DOCK2: variants seen among roughly 807,000 people sequenced by gnomAD.
DOCK2 encodes dedicator of cytokinesis protein 2.
DOCK2 carries 87 observed loss-of-function variants against 248.9 expected under a neutral mutation model. The ratio of observed to expected loss-of-function variants is 0.35; its 90% CI spans 0.29 to 0.42. DOCK2 has a LOEUF of 0.42. Among genes scored for constraint, DOCK2 ranks in the 10% least tolerant of loss-of-function variants. The pLI, the probability that DOCK2 is intolerant of heterozygous loss-of-function variation, is 1.00. For missense variants in DOCK2, 1,747 were observed against 2,300.2 expected (o/e 0.76, Z 4.92); for synonymous variants, 805 against 821.6 (o/e 0.98, Z 0.35).
chr5:169,700,314 A>G (rs1369503851), intron 13 of DOCK2, among the ~76,000 whole-genome samples, 175 bp downstream of exon 13: 2 of 152,246 alleles, frequency 1.3e-5, no homozygotes, highest in Non-Finnish European at 2.9e-5. Context: ...TCTATGCATT[A>G]ACAAAATAGA....
chr5:169,639,876 A>C (rs1307936456), intron 1 of DOCK2, among the ~76,000 whole-genome samples: 1 of 152,238 alleles, frequency 6.6e-6, no homozygotes, highest in Non-Finnish European at 1.5e-5. Flanking sequence ...TGCTGTAGCA[A>C]AATACCACCA....
At chr5:170,076,135 A>G in intron 47 of DOCK2, 51 bp downstream of exon 47, 1 of 1,590,912 alleles carries the variant, frequency 6.3e-7, no homozygotes, top group East Asian at 2.3e-5. Context: ...AGGGTGGGGC[A>G]GGGAAGCATG....
At chr5:169,972,959 G>A (rs556560654) in intron 27 of DOCK2, among the ~76,000 whole-genome samples, 3 of 152,260 alleles carry the variant, frequency 2.0e-5, no homozygotes, top group South Asian at 4.1e-4. Flanking sequence ...GCTGTGACTA[G>A]CAGATCTCTT....
chr5:169,996,240 GAC>G, intron 30 of DOCK2, 76 bp downstream of exon 30: 17 of 1,466,394 alleles, frequency 1.2e-5, no homozygotes, highest in Non-Finnish European at 1.6e-5. Flanking sequence ...TGCTCCATCA[GAC>G]ACATCCCAAA....
intron 26 of DOCK2, among the ~76,000 whole-genome samples, chr5:169,811,770 A>G (rs1404612304): frequency 1.3e-5 from 2 of 152,162 alleles, no homozygotes; most frequent in East Asian, 3.8e-4. Context: ...GCTGAGTCTC[A>G]GAGAGGCTAG....
chr5:169,903,792 C>G (rs1236806155), intron 27 of DOCK2, among the ~76,000 whole-genome samples: 1 of 152,046 alleles, frequency 6.6e-6, no homozygotes, highest in African/African-American at 2.4e-5. Context: ...GCAGTGGAAG[C>G]CTCCAGTGGG....
intron 14 of DOCK2, among the ~76,000 whole-genome samples, chr5:169,702,825 C>CA (rs1330667044): frequency 4.6e-5 from 7 of 152,060 alleles, no homozygotes; most frequent in African/African-American, 1.7e-4. Context: ...AGGATCAATA[C>CA]AGTGCCTTGG....
At chr5:169,726,124 G>A (rs990277253) in intron 22 of DOCK2, among the ~76,000 whole-genome samples, 1 of 152,060 alleles carries the variant, frequency 6.6e-6, no homozygotes, top group Non-Finnish European at 1.5e-5. Flanking sequence ...CTCCCACCAA[G>A]AGTGTAAAAG....
intron 25 of DOCK2, among the ~76,000 whole-genome samples, chr5:169,775,016 C>T (rs1298765471): frequency 6.6e-6 from 1 of 152,170 alleles, no homozygotes; most frequent in Admixed American, 6.5e-5. Flanking sequence ...TCAAGCGATT[C>T]TCTTGCCTCA....
rs1764593002 is a variant in DOCK2, at chr5:169,763,380, C to T, written c.2554+1755C>T. On this transcript the variant is annotated intron_variant, in intron 25 of 51. Transcript: ENST00000520908. The surrounding 1 kb of genome is among the most constrained non-coding windows in gnomAD (Gnocchi z 4.1). ...TCCTAGAGACATGACAAGGACGACT[C>T]TAGCTACGCATATGGTGTGGCACAG... Among the ~76,000 whole-genome samples the T allele has an allele frequency of 6.6e-6, 1 of 152,242 alleles. No individual in the cohort carries two copies. The highest frequency in any genetic ancestry group is 2.4e-5 in the African/African-American group (1 of 41,474).
At chr5:170,066,211 C>T (rs535913725) in intron 44 of DOCK2, among the ~76,000 whole-genome samples, 3 of 151,776 alleles carry the variant, frequency 2.0e-5, no homozygotes, top group African/African-American at 7.3e-5. Context: ...CGGCCTCCCG[C>T]AAATGAAAAC....
intron 8 of DOCK2, among the ~76,000 whole-genome samples, chr5:169,687,770 C>CGTTA (rs1359127561): frequency 1.3e-5 from 2 of 152,132 alleles, no homozygotes; most frequent in Non-Finnish European, 2.9e-5. Flanking sequence ...AAGGATCGTA[C>CGTTA]GTTAGAACCA....
intron 30 of DOCK2, among the ~76,000 whole-genome samples, chr5:170,008,235 AAAAC>A (rs1755141403): frequency 6.7e-6 from 1 of 149,580 alleles, no homozygotes; most frequent in Non-Finnish European, 1.5e-5. Flanking sequence ...CAAAAAAAAA[AAAAC>A]CTAAAATTCT....
intron 27 of DOCK2, among the ~76,000 whole-genome samples, chr5:169,912,469 G>A (rs1774651713): frequency 6.6e-6 from 1 of 152,310 alleles, no homozygotes; most frequent in Admixed American, 6.5e-5. Context: ...ACGTGTATGT[G>A]TGTGTGCACA....
At chr5:169,917,627 C>A (rs943911391) in intron 27 of DOCK2, among the ~76,000 whole-genome samples, 1 of 151,920 alleles carries the variant, frequency 6.6e-6, no homozygotes, top group Non-Finnish European at 1.5e-5. Flanking sequence ...TTGGTGATTG[C>A]GAAACACTAG....
Position 169,708,256 on chromosome 5 carries a change from G to T in DOCK2, c.1471G>T (p.Glu491Ter). ...TCAAGTCAAACAGCCACGCTGGATG[G>T]AAACAGTCAAGGTAATAATTAATAA... ...YYQVKQPRWM[E>*]TVKVAVPIED... Residue 491 changes from glutamate to a stop codon, truncating the protein, a stop_gained, in exon 15 of 52, where the codon GAA becomes TAA. Coordinates refer to ENST00000520908, the MANE Select transcript of DOCK2 (RefSeq NM_004946.3). LOFTEE classifies it high-confidence loss of function. The T allele has an allele frequency of 6.2e-7, 1 of 1,613,662 alleles. No homozygotes were observed. The highest frequency in any genetic ancestry group is 8.5e-7 in the Non-Finnish European group (1 of 1,179,856).
chr5:169,759,635 A>C, intron 23 of DOCK2, 70 bp from the exon 24 acceptor site: 1 of 1,550,746 alleles, frequency 6.4e-7, no homozygotes, highest in Non-Finnish European at 8.9e-7. Flanking sequence ...TCATGCTGCA[A>C]AGTACCCTCT....
At chr5:169,910,700 C>G (rs1774548151) in intron 27 of DOCK2, among the ~76,000 whole-genome samples, 1 of 152,214 alleles carries the variant, frequency 6.6e-6, no homozygotes, top group South Asian at 2.1e-4. Context: ...CTACAAGACT[C>G]AGGGAAACAG....
rs556557592 is a variant in DOCK2 at position 170,069,355 on chromosome 5, C to A, written c.4728+135C>A. The A allele has an allele frequency of 1.5e-4, 123 of 834,966 alleles. No homozygotes were observed. In the African/African-American group the frequency reaches 1.9e-3, roughly 13 times the overall value. The allele number at this position is 834,966 out of a possible 1,614,324, so 51.7% of individuals were successfully genotyped here. On this transcript the variant is annotated intron_variant, in intron 46 of 51. Coordinates refer to ENST00000520908, the MANE Select transcript of DOCK2 (RefSeq NM_004946.3). ...TCCTGTCCCTTGCTTTTCAGCCCCTCTTCCAACTCTGTATCACACCTGAGC... is the reference window on the plus strand; with the variant it reads ...TCCTGTCCCTTGCTTTTCAGCCCCTATTCCAACTCTGTATCACACCTGAGC...
Sources: allele counts gnomAD v4.1 joint callset (sites outside exome capture counted in the v4.1 genomes callset), GRCh38; gene constraint gnomAD v4.1.1; non-coding constraint Gnocchi (gnomAD v3.1); transcripts MANE v1.5; gene names NCBI Gene and HGNC (gene_info 2026-07-23, HGNC 2026-07-21).